Variants in ZNF578 observed in about 807,000 individuals in gnomAD.
ZNF578 encodes the protein zinc finger protein 578.
A neutral mutation model predicts 8.3 loss-of-function variants in ZNF578; 8 were observed. That is an observed-to-expected ratio of 0.96 (90% CI 0.56 to 1.74). ZNF578 has a LOEUF of 1.74. Among genes scored for constraint, ZNF578 ranks in the 40% most tolerant of loss-of-function variants. The pLI is 0.00. For missense variants in ZNF578, 726 were observed against 707.5 expected, an observed-to-expected ratio of 1.03 and a Z score of -0.30; for synonymous variants, 206 against 232.2, an observed-to-expected ratio of 0.89 and a Z score of 1.03.
chr19:52,480,314 G>A (rs1451859961), intron 2 of ZNF578, among the ~76,000 whole-genome samples: 1 of 152,074 alleles, frequency 6.6e-6, no homozygotes, highest in Admixed American at 6.5e-5. Context: ...TTCTTTCTGG[G>A]TAATTGCAAG....
chr19:52,496,531 A>G (rs8102424), intron 3 of ZNF578, among the ~76,000 whole-genome samples: 10,167 of 113,082 alleles, frequency 0.09, 1,550 homozygotes, highest in Non-Finnish European at 0.11. Flanking sequence ...GGGTGTCACC[A>G]TGTTAGCCAG....
Position 52,511,242 on chromosome 19 carries a change from C to T in ZNF578, c.861C>T (p.Tyr287=), listed in dbSNP as rs1599919243. 1 of 1,614,146 alleles carries T rather than the reference C, an allele frequency of 6.2e-7. No individual in the cohort carries two copies. Among genetic ancestry groups the T allele is most frequent in the Admixed American group, 1.7e-5 (1 of 60,022 alleles). The part of the protein sequence containing the change: ...HRRCHTSEKP[Y]KCNECGKSFS... ...GATGTCACACTAGTGAGAAACCTTA[C>T]AAGTGTAATGAATGTGGAAAGTCCT... is the stretch of plus-strand genomic sequence containing the variant. Residue 287 remains tyrosine, a synonymous_variant, in exon 6 of 6, where the codon TAC becomes TAT. Coordinates refer to ENST00000421239, the MANE Select transcript of ZNF578 (RefSeq NM_001099694.2).
At position 52,511,168 on chromosome 19, in the gene ZNF578, A is replaced by T. The variant is rs199506035; in HGVS notation, c.787A>T (p.Ile263Leu). The change falls in exon 6 of 6, where the codon ATA (isoleucine) becomes TTA (leucine). Residue 263 changes from isoleucine (I) to leucine (L), a missense_variant. Physicochemically the swap from Ile to Leu is conservative, Grantham distance 5. Transcript: ENST00000421239. Reference protein sequence around the residue: ...HLGEKQYKFDICGKVFNEKRY... With the variant: ...HLGEKQYKFDLCGKVFNEKRY... Reference sequence around the variant, plus strand: ...AGGAGAAAAACAATATAAATTTGATATATGTGGCAAAGTCTTTAATGAGAA... The same window carrying T: ...AGGAGAAAAACAATATAAATTTGATTTATGTGGCAAAGTCTTTAATGAGAA... 53 of 1,614,120 alleles carry T rather than the reference A, an allele frequency of 3.3e-5. No individual in the cohort carries two copies. The highest frequency in any genetic ancestry group is 4.5e-5 in the Non-Finnish European group (53 of 1,180,038).
chr19:52,510,359 G>A (rs2122985174), intron 5 of ZNF578, among the ~76,000 whole-genome samples: 2 of 152,208 alleles, frequency 1.3e-5, no homozygotes, highest in Middle Eastern at 3.4e-3. Context: ...GTTTTGTCAT[G>A]ATATAGGAAA....
intron 2 of ZNF578, among the ~76,000 whole-genome samples, chr19:52,478,741 T>C (rs531699690): frequency 2.6e-4 from 39 of 151,906 alleles, no homozygotes; most frequent in African/African-American, 9.2e-4. Context: ...TGAGACGGAG[T>C]CTTGCTCTGT....
intron 2 of ZNF578, chr19:52,473,606 A>T: frequency 5.3e-6 from 1 of 189,044 alleles, no homozygotes. Flanking sequence ...ATGTTTTGCA[A>T]GGTGTGAAAT....
intron 2 of ZNF578, among the ~76,000 whole-genome samples, chr19:52,462,164 C>G (rs1389174686): frequency 6.6e-6 from 1 of 152,208 alleles, no homozygotes; most frequent in Non-Finnish European, 1.5e-5. Flanking sequence ...TGACACCTCT[C>G]TTTTCTGGTC....
chr19:52,467,986 A>T (rs1218403061), intron 2 of ZNF578, among the ~76,000 whole-genome samples: 1 of 152,174 alleles, frequency 6.6e-6, no homozygotes, highest in Non-Finnish European at 1.5e-5. Flanking sequence ...CCGTGATCTT[A>T]TGTGCATACT....
chr19:52,480,955 C>A (rs1028958387), intron 2 of ZNF578, among the ~76,000 whole-genome samples: 5 of 148,618 alleles, frequency 3.4e-5, no homozygotes, highest in African/African-American at 4.9e-5. Flanking sequence ...AATTTGGCAC[C>A]AAATAAATAT....
At chr19:52,481,145 T>C (rs1297537705) in intron 2 of ZNF578, among the ~76,000 whole-genome samples, 1 of 152,068 alleles carries the variant, frequency 6.6e-6, no homozygotes, top group Non-Finnish European at 1.5e-5. Flanking sequence ...GGTTATACCT[T>C]GAACCTTATA....
At chr19:52,479,155 ATTGT>A (rs955015446) in intron 2 of ZNF578, among the ~76,000 whole-genome samples, 6 of 152,004 alleles carry the variant, frequency 3.9e-5, no homozygotes, top group Non-Finnish European at 5.9e-5. Flanking sequence ...TGAGCCACAG[ATTGT>A]TTAAGTAAAA....
At chr19:52,455,464 G>A (rs2059236923) in intron 1 of ZNF578, 1 of 152,286 alleles carries the variant, frequency 6.6e-6, no homozygotes, top group South Asian at 2.1e-4. Context: ...CAAAGTGCTG[G>A]GATTACAGGC....
intron 2 of ZNF578, among the ~76,000 whole-genome samples, chr19:52,476,659 A>C (rs1235022042): frequency 6.6e-6 from 1 of 152,226 alleles, no homozygotes; most frequent in Non-Finnish European, 1.5e-5. Context: ...ATTGATAGCT[A>C]TATTTGCAAC....
Position 52,511,791 on chromosome 19 carries a change from T to G in ZNF578, c.1410T>G (p.Leu470=), listed in dbSNP as rs1347850959. Residue 470 remains leucine, a synonymous_variant, in exon 6 of 6, where the codon CTT becomes CTG. Transcript: ENST00000421239. ...GAGTTTTCAGTCAGAAATCAAACCT[T>G]GAGAGACACAAGATAATTCATACTG... is the stretch of plus-strand genomic sequence containing the variant. ...CDRVFSQKSN[L]ERHKIIHTGE... is the part of the protein sequence containing the mutation. 6.2e-6 allele frequency: 10 copies of G among 1,613,204 alleles called. No homozygotes were observed. The highest frequency in any genetic ancestry group is 7.6e-6 in the Non-Finnish European group (9 of 1,179,730).
chr19:52,463,899 C>A (rs2059266316), intron 2 of ZNF578, among the ~76,000 whole-genome samples: 1 of 152,108 alleles, frequency 6.6e-6, no homozygotes, highest in Non-Finnish European at 1.5e-5. Flanking sequence ...TTGGAAGAAT[C>A]CATGTAGTTA....
In ZNF578 at chr19:52,515,644, C is replaced by T. The variant is rs1255991032; in HGVS notation, c.*3490C>T. ...CCCAGTGAGCCTCCCTGCAACTTGG[C>T]GACGAGGGGCTTGACCAGAAAAGGT... On this transcript the variant is annotated 3_prime_UTR_variant, in exon 6 of 6. Transcript: ENST00000421239. 4.6e-5 allele frequency among the ~76,000 whole-genome samples: 7 copies of T among 151,950 alleles called. No individual in the cohort carries two copies. Among genetic ancestry groups the T allele is most frequent in the East Asian group, 1.9e-4 (1 of 5,154 alleles).
At chr19:52,509,020 G>A (rs1044323181) in intron 5 of ZNF578, among the ~76,000 whole-genome samples, 1 of 146,782 alleles carries the variant, frequency 6.8e-6, no homozygotes, top group African/African-American at 2.5e-5. Context: ...TTTTGCCTCA[G>A]CCTCCAAAGT....
Position 52,512,001 on chromosome 19 carries a change from A to G in ZNF578, c.1620A>G (p.Lys540=), listed in dbSNP as rs1348571179. The change falls in exon 6 of 6, where the codon AAA becomes AAG. Residue 540 remains lysine (K), a synonymous_variant. Transcript: ENST00000421239. ...HRLHTGEKPY[K]CKVCDKAFMC... ...TTCATACTGGAGAGAAACCTTACAA[A>G]TGTAAGGTTTGTGACAAGGCTTTCA... 1.9e-6 allele frequency: 3 copies of G among 1,613,658 alleles called. No homozygotes were observed. The highest frequency in any genetic ancestry group is 2.2e-5 in the South Asian group (2 of 91,056).
At chr19:52,482,829 T>G (rs1047018267) in intron 2 of ZNF578, among the ~76,000 whole-genome samples, 2 of 150,782 alleles carry the variant, frequency 1.3e-5, no homozygotes, top group African/African-American at 4.9e-5. Context: ...TTCAGCTACT[T>G]CGGAGGCTGA....
Sources: allele counts gnomAD v4.1 joint callset (sites outside exome capture counted in the v4.1 genomes callset), GRCh38; gene constraint gnomAD v4.1.1; transcripts MANE v1.5; gene names NCBI Gene and HGNC (gene_info 2026-07-23, HGNC 2026-07-21).